TAX1BP1: variants seen among roughly 807,000 people sequenced by gnomAD.
The protein encoded by TAX1BP1 is tax1-binding protein 1.
In TAX1BP1, 62 loss-of-function variants were observed where a neutral mutation model predicts 97.7. That is an observed-to-expected ratio of 0.63 (90% CI 0.52 to 0.78). TAX1BP1 has a LOEUF of 0.78. Among genes scored for constraint, TAX1BP1 ranks in the 30% least tolerant of loss-of-function variants. The pLI is 0.00. For missense variants in TAX1BP1, 867 were observed against 916.1 expected (o/e 0.95, Z 0.69); for synonymous variants, 340 against 304.2 (o/e 1.12, Z -1.23).
intron 5 of TAX1BP1, among the ~76,000 whole-genome samples, chr7:27,771,274 A>G (rs1433474726): frequency 1.5e-5 from 2 of 131,306 alleles, no homozygotes; most frequent in Non-Finnish European, 3.2e-5. Context: ...TTTTCACTGT[A>G]TTACAAGCCA....
chr7:27,785,110 T>C, intron 5 of TAX1BP1, 53 bp from the exon 6 acceptor site: 1 of 1,535,096 alleles, frequency 6.5e-7, no homozygotes, highest in Non-Finnish European at 8.7e-7. Context: ...GCAAATTTGC[T>C]TTACTGATTA....
In TAX1BP1 at chr7:27,769,737, A is replaced by C; in HGVS notation, c.515A>C (p.Glu172Ala). ...CTGTTAAAGTTAATTGCCGTTCTGGAAAAAGAAACAGCACAACTTCGAGAA... is the reference window on the plus strand; with the variant it reads ...CTGTTAAAGTTAATTGCCGTTCTGGCAAAAGAAACAGCACAACTTCGAGAA... Reference protein sequence around the residue: ...EELLKLIAVLEKETAQLREQV... With the variant: ...EELLKLIAVLAKETAQLREQV... Residue 172 changes from glutamate to alanine, a missense_variant, in exon 5 of 17, where the codon GAA (glutamate) becomes GCA (alanine). This residue lies in a region of TAX1BP1 where 822 missense variants were observed against 851.4 expected (regional missense o/e 0.97). Transcript: ENST00000396319. The C allele has an allele frequency of 6.2e-7, 1 of 1,612,552 alleles. No individual in the cohort carries two copies. The highest frequency in any genetic ancestry group is 2.2e-5 in the East Asian group (1 of 44,772).
intron 13 of TAX1BP1, among the ~76,000 whole-genome samples, chr7:27,810,353 C>A (rs1347314133): frequency 6.6e-6 from 1 of 151,948 alleles, no homozygotes; most frequent in Non-Finnish European, 1.5e-5. Context: ...CTTTTGAATG[C>A]CTTTCTTGTT....
At chr7:27,823,113 A>G (rs1032358665) in intron 15 of TAX1BP1, among the ~76,000 whole-genome samples, 5 of 152,226 alleles carry the variant, frequency 3.3e-5, no homozygotes, top group Admixed American at 1.3e-4. Flanking sequence ...TAAATTATAT[A>G]TAGTTCAATG....
At chr7:27,802,186 C>G (rs888719556) in intron 13 of TAX1BP1, among the ~76,000 whole-genome samples, 1 of 152,138 alleles carries the variant, frequency 6.6e-6, no homozygotes, top group Admixed American at 6.5e-5. Flanking sequence ...AATGGAATTT[C>G]GGTGCTAGTT....
chr7:27,744,206 G>T lies in TAX1BP1; in HGVS notation c.-8+3937G>T, dbSNP rs530843009. Among the ~76,000 whole-genome samples the T allele has an allele frequency of 7.0e-4, 106 of 152,176 alleles. 1 individual carries two copies. Among genetic ancestry groups the T allele is most frequent in the Non-Finnish European group, 1.0e-3 (69 of 68,000 alleles). On this transcript the variant is annotated intron_variant, in intron 1 of 16. Transcript: ENST00000396319. ...ATGGCGTGATCTCAGCTCACTGCAG[G>T]CTCCGCCCCCCAGGGTTCACGCCAT...
intron 13 of TAX1BP1, among the ~76,000 whole-genome samples, chr7:27,809,072 A>AG (rs1562737443): frequency 1.3e-5 from 2 of 151,868 alleles, no homozygotes; most frequent in African/African-American, 4.8e-5. Flanking sequence ...GATATATATG[A>AG]TAGAGTATGT....
At chr7:27,802,988 G>C in intron 13 of TAX1BP1, 5 of 944,658 alleles carry the variant, frequency 5.3e-6, no homozygotes, top group Non-Finnish European at 7.4e-6. Flanking sequence ...AATTAGCTGA[G>C]GAAAATACGT....
rs139970643 is a variant in TAX1BP1 at position 27,785,300 on chromosome 7, C to T, written c.750C>T (p.Thr250=). ...CACATAAAGCAATTGAAAAAGAAAC[C>T]GAATTAGACAGGTATTTCTCATGCT... ...SVTHKAIEKE[T]ELDSLKDKLK... is the part of the protein sequence containing the mutation. The change falls in exon 6 of 17, where the codon ACC becomes ACT. Residue 250 remains threonine (T), a synonymous_variant. Transcript: ENST00000396319. 215 of 1,604,454 alleles carry T rather than the reference C, an allele frequency of 1.3e-4. 1 individual carries two copies. In the South Asian group the frequency reaches 1.5e-3, roughly 11 times the overall value.
chr7:27,799,732 T>A lies in TAX1BP1; in HGVS notation c.1639-233T>A, dbSNP rs578171513. On this transcript the variant is annotated intron_variant, in intron 12 of 16. Transcript: ENST00000396319. ...TATTTTCAATTAATGTATCTTAACA[T>A]TTTTTCTTGTCAATTTGTACATCTG... is the stretch of plus-strand genomic sequence containing the variant. Among the ~76,000 whole-genome samples, 21 of 152,290 alleles carry A rather than the reference T, an allele frequency of 1.4e-4. No homozygotes were observed. In the East Asian group the frequency reaches 3.9e-3, roughly 28 times the overall value.
chr7:27,740,018 G>A (rs867289219), upstream of TAX1BP1: 4 of 152,276 alleles, frequency 2.6e-5, no homozygotes, highest in Non-Finnish European at 4.4e-5. Context: ...CAGCCTACCC[G>A]CGGGATGAGG....
rs536549465 is a variant in TAX1BP1, at chr7:27,788,466, A to G, written c.1038+863A>G. On this transcript the variant is annotated intron_variant, in intron 8 of 16. Coordinates refer to ENST00000396319, the MANE Select transcript of TAX1BP1 (RefSeq NM_006024.7). ...TTGATGCTCCTCACCTGCATCAGCT[A>G]TTATGTTGGTAATAATTAATGATAG... Among the ~76,000 whole-genome samples the G allele has an allele frequency of 2.6e-5, 4 of 152,126 alleles. No homozygotes were observed. The South Asian group carries it at 8.3e-4, about 32-fold the overall frequency.
intron 13 of TAX1BP1, among the ~76,000 whole-genome samples, chr7:27,802,751 G>A (rs1012236119): frequency 2.0e-5 from 3 of 152,040 alleles, no homozygotes; most frequent in Non-Finnish European, 1.5e-5. Flanking sequence ...CCGGGGGCGT[G>A]ATATTTGAAG....
Position 27,787,511 on chromosome 7 carries a change from A to T in TAX1BP1, c.946A>T (p.Thr316Ser), listed in dbSNP as rs778797677. 1.9e-6 allele frequency: 3 copies of T among 1,613,798 alleles called. No homozygotes were observed. The highest frequency in any genetic ancestry group is 2.5e-6 in the Non-Finnish European group (3 of 1,179,792). The change falls in exon 8 of 17, where the codon ACT (threonine) becomes TCT (serine). Residue 316 changes from threonine to serine, a missense_variant. Transcript: ENST00000396319. ...AGATGGGAACAAAGAAAGCGTGATTACTCATTTCAAAGAAGAGATTGGCAG... is the reference window on the plus strand; with the variant it reads ...AGATGGGAACAAAGAAAGCGTGATTTCTCATTTCAAAGAAGAGATTGGCAG... Reference protein sequence around the residue: ...NLDGNKESVITHFKEEIGRLQ... With the variant: ...NLDGNKESVISHFKEEIGRLQ...
At chr7:27,786,232 C>T (rs142352696) in intron 7 of TAX1BP1, among the ~76,000 whole-genome samples, 1,676 of 151,290 alleles carry the variant, frequency 0.011, 25 homozygotes, top group African/African-American at 0.036. Flanking sequence ...CTCGGGTTCA[C>T]GCCATTCTCC....
In TAX1BP1 at chr7:27,785,237, C is replaced by T. The variant is rs776672653; in HGVS notation, c.687C>T (p.Ser229=). Residue 229 remains serine, a synonymous_variant, in exon 6 of 17, where the codon TCC becomes TCT. Coordinates refer to ENST00000396319, the MANE Select transcript of TAX1BP1 (RefSeq NM_006024.7). The part of the protein sequence containing the change: ...EFKKRFSDAT[S]KAHQLEEDIV... ...AGAAGAGGTTCAGTGATGCTACATC[C>T]AAAGCCCATCAGCTTGAGGAAGATA... The T allele has an allele frequency of 6.2e-7, 1 of 1,613,326 alleles. No homozygotes were observed. The highest frequency in any genetic ancestry group is 8.5e-7 in the Non-Finnish European group (1 of 1,179,638).
At chr7:27,744,888 A>G (rs897456697) in intron 1 of TAX1BP1, among the ~76,000 whole-genome samples, 9 of 152,238 alleles carry the variant, frequency 5.9e-5, no homozygotes, top group African/African-American at 1.9e-4. Context: ...AATTTAGACC[A>G]AAGACTTTAT....
chr7:27,754,283 TCTC>T (rs1476473276), intron 2 of TAX1BP1, among the ~76,000 whole-genome samples: 2 of 151,646 alleles, frequency 1.3e-5, no homozygotes, highest in East Asian at 3.9e-4. Context: ...TCCTCCTTCT[TCTC>T]TTTTCCTGCC....
intron 3 of TAX1BP1, among the ~76,000 whole-genome samples, chr7:27,764,088 C>T (rs983729838): frequency 6.6e-6 from 1 of 152,196 alleles, no homozygotes; most frequent in Non-Finnish European, 1.5e-5. Flanking sequence ...TGCCCATCTT[C>T]GTGTCATGTG....
Sources: allele counts gnomAD v4.1 joint callset (sites outside exome capture counted in the v4.1 genomes callset), GRCh38; gene constraint gnomAD v4.1.1; regional missense constraint gnomAD v4.1.1; transcripts MANE v1.5; gene names NCBI Gene and HGNC (gene_info 2026-07-23, HGNC 2026-07-21).